The following NRXN3 variants were observed in gnomAD, a reference collection of about 807,000 sequenced individuals.
NRXN3 encodes the protein neurexin 3, also known as neurexin III.
A neutral mutation model predicts 137.6 loss-of-function variants in NRXN3; 32 were observed. The observed-to-expected ratio is 0.23, with a 90% CI of 0.18 to 0.31. The LOEUF is 0.31. Ranked by LOEUF, NRXN3 falls within the 10% of genes least tolerant of loss-of-function variation. The pLI is 1.00. For synonymous variants in NRXN3, 798 were observed against 784.5 expected, an observed-to-expected ratio of 1.02 and a Z score of -0.29; for missense variants, 1,574 against 2,062.5, an observed-to-expected ratio of 0.76 and a Z score of 4.59.
intron 15 of NRXN3, among the ~76,000 whole-genome samples, chr14:79,118,577 C>A (rs1310180499): frequency 1.3e-5 from 2 of 152,236 alleles, no homozygotes; most frequent in African/African-American, 2.4e-5. Flanking sequence ...TGGCAACATG[C>A]AGGCAAGCCT....
At chr14:78,380,306 T>C (rs1463942495) in intron 4 of NRXN3, among the ~76,000 whole-genome samples, 1 of 4,666 alleles carries the variant, frequency 2.1e-4, no homozygotes, top group Non-Finnish European at 6.8e-4. Context: ...AGACTCCGTC[T>C]CAAAAAAAAA....
chr14:78,236,512 A>G (rs2066321427), intron 1 of NRXN3, among the ~76,000 whole-genome samples: 1 of 152,220 alleles, frequency 6.6e-6, no homozygotes, highest in South Asian at 2.1e-4. Context: ...TTTGTCTATT[A>G]TGAATAGTGT....
chr14:79,652,448 G>T (rs1271715106), intron 16 of NRXN3, among the ~76,000 whole-genome samples: 1 of 152,132 alleles, frequency 6.6e-6, no homozygotes, highest in Non-Finnish European at 1.5e-5. Flanking sequence ...GGCTTACAGT[G>T]CCTGCCATAT....
intron 10 of NRXN3, among the ~76,000 whole-genome samples, chr14:78,940,340 G>A (rs2099350672): frequency 6.6e-6 from 1 of 152,080 alleles, no homozygotes; most frequent in South Asian, 2.1e-4. Context: ...AGACCCAAAT[G>A]TGCATGTATA....
intron 15 of NRXN3, among the ~76,000 whole-genome samples, chr14:79,234,118 G>A (rs1466719951): frequency 6.6e-6 from 1 of 150,706 alleles, no homozygotes; most frequent in African/African-American, 2.4e-5. Context: ...ACAAAAATGT[G>A]CTTACTGGGG....
intron 15 of NRXN3, among the ~76,000 whole-genome samples, chr14:79,459,103 A>T (rs1446951817): frequency 6.6e-6 from 1 of 152,238 alleles, no homozygotes; most frequent in Admixed American, 6.5e-5. Flanking sequence ...TAGATTGTTG[A>T]GTTAGACCTG....
intron 16 of NRXN3, among the ~76,000 whole-genome samples, chr14:79,652,122 A>G (rs898902003): frequency 6.6e-6 from 1 of 152,156 alleles, no homozygotes; most frequent in African/African-American, 2.4e-5. Flanking sequence ...AGAAAATAAG[A>G]GGGTCAAAGG....
intron 15 of NRXN3, among the ~76,000 whole-genome samples, chr14:79,343,648 C>G (rs1220681832): frequency 6.6e-6 from 1 of 152,200 alleles, no homozygotes; most frequent in African/African-American, 2.4e-5. Context: ...CTGGGGCCAA[C>G]TGCTTTCCCT....
chr14:79,472,438 A>C (rs2096521974), intron 16 of NRXN3, among the ~76,000 whole-genome samples: 1 of 152,162 alleles, frequency 6.6e-6, no homozygotes, highest in Non-Finnish European at 1.5e-5. Context: ...AAATTAACTA[A>C]CATTTCTTTG....
intron 15 of NRXN3, among the ~76,000 whole-genome samples, chr14:79,307,959 A>T (rs1052805053): frequency 1.3e-5 from 2 of 152,002 alleles, no homozygotes; most frequent in African/African-American, 4.8e-5. Flanking sequence ...GTCATGGAGC[A>T]TTGTTTTCTC....
intron 16 of NRXN3, among the ~76,000 whole-genome samples, chr14:79,530,801 A>G (rs1368383659): frequency 6.6e-6 from 1 of 152,184 alleles, no homozygotes; most frequent in Non-Finnish European, 1.5e-5. Context: ...AACTCTTTTT[A>G]GAATGGAAAA....
intron 4 of NRXN3, among the ~76,000 whole-genome samples, chr14:78,637,918 C>G (rs2097580923): frequency 6.6e-6 from 1 of 152,212 alleles, no homozygotes; most frequent in African/African-American, 2.4e-5. Flanking sequence ...ACCTGTGAAT[C>G]TTTACTTTTT....
chr14:79,797,326 G>A (rs1366224684), intron 19 of NRXN3, among the ~76,000 whole-genome samples: 1 of 152,128 alleles, frequency 6.6e-6, no homozygotes, highest in Non-Finnish European at 1.5e-5. Context: ...AGTAGGTAGA[G>A]GGAAGAGGGG....
chr14:79,757,681 G>A (rs531483308), intron 19 of NRXN3, among the ~76,000 whole-genome samples: 29 of 152,306 alleles, frequency 1.9e-4, no homozygotes, highest in African/African-American at 7.0e-4. Flanking sequence ...TAGGACTCCT[G>A]AGTTCCTGCC....
At chr14:78,979,645 T>C (rs2099483794) in intron 14 of NRXN3, among the ~76,000 whole-genome samples, 2 of 152,104 alleles carry the variant, frequency 1.3e-5, no homozygotes, top group African/African-American at 2.4e-5. Context: ...ATTATTCTGT[T>C]CTCATGCTGC....
intron 20 of NRXN3, among the ~76,000 whole-genome samples, chr14:79,825,657 T>C (rs2141132306): frequency 6.6e-6 from 1 of 152,326 alleles, no homozygotes; most frequent in Non-Finnish European, 1.5e-5. Context: ...AGTGTGTGAC[T>C]TTGCTATTTT....
chr14:79,108,522 A>C (rs922358307), intron 15 of NRXN3, among the ~76,000 whole-genome samples: 13 of 152,188 alleles, frequency 8.5e-5, no homozygotes, highest in African/African-American at 3.1e-4. Context: ...ATAGCTATGA[A>C]GGGCACAGTT....
chr14:78,473,625 T>G (rs2095324898), intron 4 of NRXN3, among the ~76,000 whole-genome samples: 1 of 152,144 alleles, frequency 6.6e-6, no homozygotes, highest in African/African-American at 2.4e-5. Flanking sequence ...CTTTAGACAA[T>G]AATAAACATT....
intron 16 of NRXN3, among the ~76,000 whole-genome samples, chr14:79,548,264 C>T (rs956196876): frequency 1.3e-5 from 2 of 152,104 alleles, no homozygotes; most frequent in Non-Finnish European, 2.9e-5. Context: ...GTTCAACTCC[C>T]ACTTATGAGT....
Sources: gnomAD v4.1 joint callset for allele counts (sites outside exome capture counted in the v4.1 genomes callset) on GRCh38, gnomAD v4.1.1 for gene constraint, MANE v1.5 for transcripts, NCBI Gene and HGNC (gene_info 2026-07-23, HGNC 2026-07-21) for gene names.